CERK: variants seen among roughly 807,000 people sequenced by gnomAD.
The protein encoded by CERK is acylsphingosine kinase.
In CERK, 39 loss-of-function variants were observed where a neutral mutation model predicts 63.4. The ratio of observed to expected loss-of-function variants is 0.61; its 90% confidence interval spans 0.48 to 0.80. The LOEUF (loss-of-function observed/expected upper bound fraction) is 0.80, where lower values mean the gene tolerates loss of function less well. Ranked by LOEUF, CERK falls within the 30% of genes least tolerant of loss-of-function variation. The probability of loss-of-function intolerance (pLI) is 0.00; values close to 1 mark genes in which losing one functional copy is unlikely to be tolerated. For synonymous variants in CERK, 302 were observed against 280.0 expected (o/e 1.08, Z -0.78); for missense variants, 670 against 714.1 (o/e 0.94, Z 0.70).
rs1180374384 is a variant in CERK, at chr22:46,694,364, G to A, written c.1049+846C>T. 5.9e-5 allele frequency among the ~76,000 whole-genome samples: 9 copies of A among 152,276 alleles called. No individual in the cohort carries two copies. The Middle Eastern group carries it at 0.014, about 230-fold the overall frequency. On this transcript the variant is annotated intron_variant, in intron 9 of 12. Transcript: ENST00000216264. ...CTGGTCGCATATTACTGAATACACT[G>A]TGTGGGGGTGGGGGCGGAGATATGC... is the stretch of plus-strand genomic sequence containing the variant.
chr22:46,684,836 T>C lies in CERK; in HGVS notation c.*2298A>G, dbSNP rs1283592604. ...CAGTCACCCCCATCCTGCGCGCAGA[T>C]AGCAAAGGGCTGCTGGCAGGTGTCA... On this transcript the variant is annotated 3_prime_UTR_variant, in exon 13 of 13. Transcript: ENST00000216264. 1 of 152,110 alleles carries C rather than the reference T, an allele frequency of 6.6e-6. No individual in the cohort carries two copies. The highest frequency in any genetic ancestry group is 1.9e-4 in the East Asian group (1 of 5,190). 9.4% of individuals were successfully genotyped at this position (152,110 alleles called of 1,614,324 possible).
intron 1 of CERK, among the ~76,000 whole-genome samples, chr22:46,723,814 C>T (rs1313194322): frequency 6.6e-6 from 1 of 151,986 alleles, no homozygotes; most frequent in African/African-American, 2.4e-5. Flanking sequence ...TCTCCTGCCT[C>T]AGCCTCCTGA....
intron 1 of CERK, among the ~76,000 whole-genome samples, 195 bp from the exon 2 acceptor site, chr22:46,721,210 G>T (rs930287951): frequency 5.9e-5 from 9 of 152,066 alleles, no homozygotes; most frequent in African/African-American, 2.2e-4. Context: ...CTCAGGAGTT[G>T]CAGTGGGCTA....
intron 11 of CERK, 87 bp from the exon 12 acceptor site, chr22:46,690,287 C>CTT: frequency 1.0e-6 from 1 of 1,003,738 alleles, no homozygotes; most frequent in South Asian, 1.5e-5. Context: ...TGACAGCGAG[C>CTT]GCTGTCAGGC....
Position 46,707,126 on chromosome 22 carries a change from T to G in CERK, c.715+717A>C, listed in dbSNP as rs867029711. On this transcript the variant is annotated intron_variant, in intron 6 of 12. Coordinates refer to ENST00000216264, the MANE Select transcript of CERK (RefSeq NM_022766.6). The stretch of plus-strand genomic sequence containing the variant: ...TCTTCATCCATAAAATGGGGATGAC[T>G]GCGGTGCTCACATCCCAGAGCTGTG... Among the ~76,000 whole-genome samples the G allele has an allele frequency of 3.9e-5, 6 of 152,272 alleles. No individual in the cohort carries two copies. In the Middle Eastern group the frequency reaches 0.01, roughly 259 times the overall value.
rs547172284 is a variant in CERK at position 46,714,775 on chromosome 22, T to C, written c.380-2482A>G. On this transcript the variant is annotated intron_variant, in intron 3 of 12. Transcript: ENST00000216264. The surrounding 1 kb of genome is among the most constrained non-coding windows in gnomAD (Gnocchi z 4.4). ...GAACTCTTTGTATGACACACCACTG[T>C]GACCTTGGGAACAAAACCAGACAAA... Among the ~76,000 whole-genome samples, 25 of 152,288 alleles carry C rather than the reference T, an allele frequency of 1.6e-4. No homozygotes were observed. The East Asian group carries it at 4.6e-3, about 28-fold the overall frequency.
At chr22:46,730,015 G>C (rs1601731170) in intron 1 of CERK, among the ~76,000 whole-genome samples, 1 of 151,490 alleles carries the variant, frequency 6.6e-6, no homozygotes, top group African/African-American at 2.4e-5. Context: ...CTCCAGCCTG[G>C]GTGACAGATC....
chr22:46,691,764 C>T lies in CERK; in HGVS notation c.1140G>A (p.Glu380=). 1 of 1,611,088 alleles carries T rather than the reference C, an allele frequency of 6.2e-7. No homozygotes were observed. The highest frequency in any genetic ancestry group is 8.5e-7 in the Non-Finnish European group (1 of 1,177,652). ...YGLEAAEDVE[E]WQVVCGKFLA... ...GAAACTTCCCACAGACGACTTGCCA[C>T]TCCTCCACGTCCTCTGAAGCACAAA... Residue 380 remains glutamate, a synonymous_variant, in exon 11 of 13, where the codon GAG becomes GAA. Coordinates refer to ENST00000216264, the MANE Select transcript of CERK (RefSeq NM_022766.6).
chr22:46,707,186 C>T (rs980017010), intron 6 of CERK, among the ~76,000 whole-genome samples: 21 of 133,790 alleles, frequency 1.6e-4, no homozygotes, highest in African/African-American at 4.9e-4. Context: ...CCGCCACCCT[C>T]GGGGCCAGAC....
intron 6 of CERK, among the ~76,000 whole-genome samples, chr22:46,707,511 T>G (rs2082818802): frequency 6.6e-6 from 1 of 152,064 alleles, no homozygotes; most frequent in South Asian, 2.1e-4. Flanking sequence ...CAGAAGCCAC[T>G]TCTTCCAGAA....
At chr22:46,687,526 G>A (rs1403268527) in intron 12 of CERK, among the ~76,000 whole-genome samples, 1 of 152,200 alleles carries the variant, frequency 6.6e-6, no homozygotes, top group Non-Finnish European at 1.5e-5. Flanking sequence ...GACCTGACTC[G>A]AACTCCAGCA....
intron 1 of CERK, among the ~76,000 whole-genome samples, chr22:46,736,462 C>CT (rs139509557): frequency 0.066 from 10,122 of 152,316 alleles, 409 homozygotes; most frequent in Non-Finnish European, 0.091. Flanking sequence ...GAGCAGCTGC[C>CT]TCTCAGGAAC....
chr22:46,690,127 T>A lies in CERK; in HGVS notation c.1406A>T (p.Asp469Val), dbSNP rs147528921. 1.9e-6 allele frequency: 3 copies of A among 1,613,876 alleles called. No individual in the cohort carries two copies. The highest frequency in any genetic ancestry group is 2.7e-5 in the African/African-American group (2 of 74,870). The change falls in exon 12 of 13, where the codon GAC becomes GTC. Residue 469 changes from aspartate to valine, a missense_variant. Coordinates refer to ENST00000216264, the MANE Select transcript of CERK (RefSeq NM_022766.6). ...QFTSKHMEDEDSDLKEGGKKR... is the reference protein window; with the variant it reads ...QFTSKHMEDEVSDLKEGGKKR... ...CTTCCCCCCCTCCTTGAGGTCGCTG[T>A]CCTCATCCTCCATGTGCTTCGACGT...
chr22:46,709,960 A>G (rs1422517043), intron 5 of CERK, among the ~76,000 whole-genome samples: 2 of 152,264 alleles, frequency 1.3e-5, no homozygotes, highest in Non-Finnish European at 2.9e-5. Flanking sequence ...GACTGAAATT[A>G]TGGCCAACAA....
chr22:46,690,416 G>A (rs549807477), intron 11 of CERK, among the ~76,000 whole-genome samples: 26 of 151,862 alleles, frequency 1.7e-4, no homozygotes, highest in East Asian at 1.6e-3. Flanking sequence ...CACCTTTCCC[G>A]GCGCCCACCT....
intron 1 of CERK, among the ~76,000 whole-genome samples, chr22:46,726,774 C>T (rs1034528708): frequency 1.3e-5 from 2 of 151,748 alleles, no homozygotes; most frequent in African/African-American, 4.9e-5. Flanking sequence ...TCCCCCGCCC[C>T]TCCCCGCCCA....
chr22:46,706,376 G>A (rs138302728), intron 6 of CERK, among the ~76,000 whole-genome samples: 1 of 152,358 alleles, frequency 6.6e-6, no homozygotes, highest in Non-Finnish European at 1.5e-5. Context: ...TGAGAAGGAT[G>A]TGAGGAAATC....
At chr22:46,694,029 C>A (rs192783682) in intron 9 of CERK, among the ~76,000 whole-genome samples, 1 of 152,156 alleles carries the variant, frequency 6.6e-6, no homozygotes, top group Non-Finnish European at 1.5e-5. Flanking sequence ...TGATGGAAAT[C>A]GCTCATCAGC....
chr22:46,720,998 C>T lies in CERK; in HGVS notation c.160G>A (p.Val54Ile). Residue 54 changes from valine to isoleucine, a missense_variant, in exon 2 of 13, where the codon GTA becomes ATA. Physicochemically the swap from Val to Ile is conservative, Grantham distance 29. Transcript: ENST00000216264. ...TCCTCAACGGCGATGATCTCAGATA[C>T]AGGCACAGAGCAGGCATCTGTAAAA... is the stretch of plus-strand genomic sequence containing the variant. ...APGADACSVP[V>I]SEIIAVEETD... 1.9e-6 allele frequency: 3 copies of T among 1,612,698 alleles called. No homozygotes were observed. Among genetic ancestry groups the T allele is most frequent in the Admixed American group, 1.7e-5 (1 of 59,994 alleles).
Sources: gnomAD v4.1 joint callset for allele counts (sites outside exome capture counted in the v4.1 genomes callset) on GRCh38, gnomAD v4.1.1 for gene constraint, Gnocchi (gnomAD v3.1) non-coding constraint, MANE v1.5 for transcripts, NCBI Gene and HGNC (gene_info 2026-07-23, HGNC 2026-07-21) for gene names.